Variants in GP9 observed in about 807,000 individuals in gnomAD.
GP9 encodes platelet glycoprotein IX.
For synonymous variants in GP9, 116 were observed against 116.7 expected, an observed-to-expected ratio of 0.99 and a Z score of 0.04; for missense variants, 228 against 241.8, an observed-to-expected ratio of 0.94 and a Z score of 0.38.
At chr3:129,056,579 G>A (rs1252496198), upstream of GP9, among the ~76,000 whole-genome samples, 2 of 152,168 alleles carry the variant, frequency 1.3e-5, no homozygotes, top group African/African-American at 4.8e-5. Context: ...ACCTGAAATT[G>A]CCTGAGAGGC....
upstream of GP9, among the ~76,000 whole-genome samples, chr3:129,057,529 C>A (rs1329129563): frequency 6.6e-6 from 1 of 152,118 alleles, no homozygotes; most frequent in East Asian, 1.9e-4. Flanking sequence ...TAGGCAGGGG[C>A]CAAGCTACAG....
Position 129,061,838 on chromosome 3 carries a change from G to T in GP9, c.99G>T (p.Gly33=), listed in dbSNP as rs765666170. ...CCTGCCGCGCCCTGGAAACCATGGG[G>T]CTGTGGGTGGACTGCAGGGGCCACG... ...PCTCRALETM[G]LWVDCRGHGL... is the part of the protein sequence containing the mutation. Residue 33 remains glycine, a synonymous_variant, in exon 3 of 3, where the codon GGG becomes GGT. Coordinates refer to ENST00000307395, the MANE Select transcript of GP9 (RefSeq NM_000174.5). 1.9e-6 allele frequency: 3 copies of T among 1,612,530 alleles called. No homozygotes were observed. The highest frequency in any genetic ancestry group is 2.5e-6 in the Non-Finnish European group (3 of 1,179,496).
upstream of GP9, among the ~76,000 whole-genome samples, chr3:129,055,929 G>A (rs1362006184): frequency 6.6e-6 from 1 of 152,156 alleles, no homozygotes; most frequent in Non-Finnish European, 1.5e-5. Context: ...ACAGGCGTGA[G>A]CCATCACGCC....
chr3:129,059,834 C>T (rs931140154), upstream of GP9, among the ~76,000 whole-genome samples: 1 of 152,214 alleles, frequency 6.6e-6, no homozygotes, highest in African/African-American at 2.4e-5. Context: ...ACCCCCACCC[C>T]CGTAGGGCCG....
chr3:129,061,579 G>A lies in GP9; in HGVS notation c.-53G>A, dbSNP rs1946574887. 1.5e-6 allele frequency: 1 copy of A among 677,660 alleles called. No individual in the cohort carries two copies. The highest frequency in any genetic ancestry group is 2.6e-6 in the Non-Finnish European group (1 of 381,298). The allele number at this position is 677,660 out of a possible 1,614,324, so 42.0% of individuals were successfully genotyped here. ...CACACTCCACCTTCCCTAGTCACCA[G>A]CTGGTTTCCCAGAGGAGAAGGCTGA... On this transcript the variant is annotated 5_prime_UTR_variant, in exon 2 of 3. Coordinates refer to ENST00000307395, the MANE Select transcript of GP9 (RefSeq NM_000174.5).
chr3:129,058,115 T>C (rs1389348288), upstream of GP9, among the ~76,000 whole-genome samples: 1 of 152,168 alleles, frequency 6.6e-6, no homozygotes, highest in East Asian at 1.9e-4. Flanking sequence ...GTGCTGGGAT[T>C]GCAGGCGTGA....
chr3:129,061,623 AGT>A lies in GP9; in HGVS notation c.-13+6_-13+7del. 1 of 840,874 alleles carries A rather than the reference AGT, an allele frequency of 1.2e-6. No individual in the cohort carries two copies. Among genetic ancestry groups the A allele is most frequent in the Non-Finnish European group, 1.9e-6 (1 of 515,830 alleles). 52.1% of individuals were successfully genotyped at this position (840,874 alleles called of 1,614,324 possible). Reference sequence around the variant, plus strand: ...AGGCTGAGACCCGAGAAGGGAGGTGAGTGCACCCCGTCCCATGTCAGGCTCCG... The same window carrying A: ...AGGCTGAGACCCGAGAAGGGAGGTGAGCACCCCGTCCCATGTCAGGCTCCG... On this transcript the variant is annotated splice_donor_5th_base_variant and intron_variant, in intron 2 of 2. Coordinates refer to ENST00000307395, the MANE Select transcript of GP9 (RefSeq NM_000174.5).
chr3:129,055,652 T>C, the GP9 span, among the ~76,000 whole-genome samples: 2 of 151,606 alleles, frequency 1.3e-5, no homozygotes, highest in African/African-American at 4.8e-5. Context: ...TTCTTTCTTT[T>C]TTTTTTTTTT....
At position 129,061,717 on chromosome 3, in the gene GP9, T is replaced by A. The variant is rs1205556876; in HGVS notation, c.-12-11T>A. 6.2e-7 allele frequency: 1 copy of A among 1,604,218 alleles called. No homozygotes were observed. The highest frequency in any genetic ancestry group is 2.2e-5 in the East Asian group (1 of 44,692). On this transcript the variant is annotated splice_polypyrimidine_tract_variant and intron_variant, in intron 2 of 2. Transcript: ENST00000307395. ...CTGCCAGGCCCTCCCTCACAGCCCC[T>A]CTCTCTGCAGCCAGCCTGTCCCATG...
At chr3:129,061,705 C>G in intron 2 of GP9, 23 bp from the exon 3 acceptor site, 3 of 1,587,376 alleles carry the variant, frequency 1.9e-6, no homozygotes, top group Non-Finnish European at 1.7e-6. Flanking sequence ...CCAGGCCCTC[C>G]CTCACAGCCC....
chr3:129,059,480 C>T (rs1372926938), upstream of GP9, among the ~76,000 whole-genome samples: 1 of 152,228 alleles, frequency 6.6e-6, no homozygotes, highest in East Asian at 1.9e-4. Context: ...GCTGAGGCTC[C>T]TCTCCATGGT....
upstream of GP9, among the ~76,000 whole-genome samples, chr3:129,058,593 C>G (rs1449271823): frequency 6.6e-6 from 1 of 152,204 alleles, no homozygotes; most frequent in Non-Finnish European, 1.5e-5. Flanking sequence ...TTTACAAATG[C>G]CATGGCAGCA....
chr3:129,061,312 G>A (rs549224520), intron 1 of GP9, among the ~76,000 whole-genome samples, 182 bp from the exon 2 acceptor site: 1 of 152,302 alleles, frequency 6.6e-6, no homozygotes, highest in African/African-American at 2.4e-5. Context: ...GCTGGTGGGG[G>A]GTGCTGGGCG....
chr3:129,061,272 G>A (rs1031056458), intron 1 of GP9, among the ~76,000 whole-genome samples: 1 of 152,182 alleles, frequency 6.6e-6, no homozygotes, highest in Non-Finnish European at 1.5e-5. Context: ...GCTGTCTTCT[G>A]CATCTGGGAA....
the GP9 span, among the ~76,000 whole-genome samples, chr3:129,055,137 G>A: frequency 1.2e-4 from 19 of 152,338 alleles, 1 homozygote; most frequent in East Asian, 5.8e-4. Flanking sequence ...CAAAAAGGAG[G>A]AGGTATAACG....
At chr3:129,060,431 G>T (rs1946561465), upstream of GP9, among the ~76,000 whole-genome samples, 1 of 152,248 alleles carries the variant, frequency 6.6e-6, no homozygotes, top group Non-Finnish European at 1.5e-5. Context: ...AGGCAGGCAG[G>T]ACCGGTCACT....
chr3:129,059,747 G>A (rs959162792), upstream of GP9, among the ~76,000 whole-genome samples: 8 of 152,158 alleles, frequency 5.3e-5, no homozygotes, highest in Non-Finnish European at 1.0e-4. Flanking sequence ...TCCCAAGGAA[G>A]GACTCACCCT....
At chr3:129,059,352 C>T (rs1946550441), upstream of GP9, among the ~76,000 whole-genome samples, 1 of 152,106 alleles carries the variant, frequency 6.6e-6, no homozygotes, top group Admixed American at 6.6e-5. Context: ...AGCTCCAGCA[C>T]CCCCACTCAC....
At chr3:129,059,594 C>A (rs937929199), upstream of GP9, among the ~76,000 whole-genome samples, 4 of 152,206 alleles carry the variant, frequency 2.6e-5, no homozygotes, top group Admixed American at 1.3e-4. Flanking sequence ...GCACCTTCCC[C>A]ACCCTTCTCT....
Sources: allele counts gnomAD v4.1 joint callset (sites outside exome capture counted in the v4.1 genomes callset), GRCh38; gene constraint gnomAD v4.1.1; transcripts MANE v1.5; gene names NCBI Gene and HGNC (gene_info 2026-07-23, HGNC 2026-07-21).